COMMD1: variants seen among roughly 807,000 people sequenced by gnomAD.
COMMD1 encodes the protein COMM domain-containing protein 1.
Under a neutral mutation model 17.2 loss-of-function variants are expected in COMMD1, and 10 were observed. That is an observed-to-expected ratio of 0.58 (90% CI 0.36 to 0.99). COMMD1 has a LOEUF of 0.99. Among genes scored for constraint, COMMD1 ranks in the 50% least tolerant of loss-of-function variants. COMMD1 has a pLI of 0.01. For synonymous variants in COMMD1, 97 were observed against 91.6 expected (o/e 1.06, Z -0.34); for missense variants, 270 against 231.8 (o/e 1.17, Z -1.07).
intron 2 of COMMD1, among the ~76,000 whole-genome samples, chr2:62,057,732 G>C (rs773935830): frequency 1.1e-4 from 16 of 151,558 alleles, no homozygotes; most frequent in Non-Finnish European, 1.8e-4. Context: ...ACCATACCTG[G>C]CTAATTTTTT....
chr2:61,908,877 A>G (rs528219814), intron 1 of COMMD1, among the ~76,000 whole-genome samples: 2 of 151,934 alleles, frequency 1.3e-5, no homozygotes, highest in East Asian at 3.9e-4. Flanking sequence ...AAATTTCTCT[A>G]ATTCTTATGG....
At chr2:62,042,628 G>A (rs772029908) in intron 2 of COMMD1, among the ~76,000 whole-genome samples, 2 of 152,154 alleles carry the variant, frequency 1.3e-5, no homozygotes, top group African/African-American at 2.4e-5. Context: ...CCGCGAGCAG[G>A]GGGAGCCGGC....
intron 1 of COMMD1, among the ~76,000 whole-genome samples, chr2:61,899,170 G>T (rs1044034469): frequency 6.6e-6 from 1 of 152,064 alleles, no homozygotes; most frequent in Non-Finnish European, 1.5e-5. Flanking sequence ...AAAAAAAATA[G>T]GTGCAAGAAG....
chr2:61,986,582 T>G (rs1239569722), intron 1 of COMMD1, among the ~76,000 whole-genome samples: 2 of 147,570 alleles, frequency 1.4e-5, no homozygotes, highest in African/African-American at 5.0e-5. Flanking sequence ...TTTTTTTTTT[T>G]TTTGGAGTCA....
chr2:61,900,871 G>A (rs1223848676), upstream of COMMD1, among the ~76,000 whole-genome samples: 2 of 152,158 alleles, frequency 1.3e-5, no homozygotes, highest in Non-Finnish European at 2.9e-5. Flanking sequence ...GATTCTGAAA[G>A]CATCTAGTAA....
chr2:62,051,815 G>A (rs950247162), intron 2 of COMMD1, among the ~76,000 whole-genome samples: 1 of 152,214 alleles, frequency 6.6e-6, no homozygotes, highest in Non-Finnish European at 1.5e-5. Context: ...GGTTTAGTAA[G>A]CTCATGTATT....
At chr2:61,928,874 G>T (rs117685477) in intron 1 of COMMD1, among the ~76,000 whole-genome samples, 9 of 152,130 alleles carry the variant, frequency 5.9e-5, no homozygotes, top group African/African-American at 2.2e-4. Flanking sequence ...CTTAAAAAAA[G>T]GATACTAGAG....
At chr2:62,131,375 G>A (rs1198862559) in intron 2 of COMMD1, among the ~76,000 whole-genome samples, 1 of 152,148 alleles carries the variant, frequency 6.6e-6, no homozygotes, top group East Asian at 1.9e-4. Flanking sequence ...AGGAATTTTA[G>A]TCTTGTCATC....
At chr2:61,938,849 A>G (rs772397176) in intron 1 of COMMD1, among the ~76,000 whole-genome samples, 1 of 152,218 alleles carries the variant, frequency 6.6e-6, no homozygotes, top group Admixed American at 6.5e-5. Flanking sequence ...TATTTTGACA[A>G]TCAAAAGAGT....
chr2:61,972,943 T>A (rs757373654), intron 1 of COMMD1, among the ~76,000 whole-genome samples: 12 of 152,158 alleles, frequency 7.9e-5, no homozygotes, highest in Non-Finnish European at 1.6e-4. Context: ...AGTGTTGGGA[T>A]TACAGGTGTG....
intron 2 of COMMD1, among the ~76,000 whole-genome samples, chr2:62,103,588 T>C (rs1164911668): frequency 2.6e-5 from 4 of 152,256 alleles, no homozygotes; most frequent in Non-Finnish European, 5.9e-5. Flanking sequence ...TGTAGTCATC[T>C]TTGCTTTCAA....
intron 1 of COMMD1, among the ~76,000 whole-genome samples, chr2:61,907,639 T>C (rs932594121): frequency 1.3e-5 from 2 of 152,062 alleles, no homozygotes; most frequent in African/African-American, 4.8e-5. Context: ...TTTGTTTTGT[T>C]AGGAGATAAA....
At chr2:62,069,214 C>G (rs551718288) in intron 2 of COMMD1, among the ~76,000 whole-genome samples, 29 of 151,858 alleles carry the variant, frequency 1.9e-4, no homozygotes, top group African/African-American at 6.3e-4. Flanking sequence ...CCAGGCTGGT[C>G]TCAAACTCCT....
At chr2:62,057,809 C>T (rs1230815770) in intron 2 of COMMD1, among the ~76,000 whole-genome samples, 1 of 151,896 alleles carries the variant, frequency 6.6e-6, no homozygotes, top group East Asian at 1.9e-4. Context: ...TGGGCTCAGG[C>T]GATCCTCCCA....
intron 2 of COMMD1, among the ~76,000 whole-genome samples, chr2:62,063,824 T>C (rs1048842960): frequency 3.5e-5 from 5 of 141,806 alleles, no homozygotes; most frequent in Non-Finnish European, 7.6e-5. Context: ...TTTAAAGTAA[T>C]ATATTCTTCC....
At chr2:61,983,306 C>G (rs1573030541) in intron 1 of COMMD1, among the ~76,000 whole-genome samples, 1 of 151,774 alleles carries the variant, frequency 6.6e-6, no homozygotes. Context: ...TCTCCTGCCT[C>G]AGCCTCCTGA....
chr2:61,960,990 T>C (rs1671326881), intron 1 of COMMD1, among the ~76,000 whole-genome samples: 1 of 152,120 alleles, frequency 6.6e-6, no homozygotes. Flanking sequence ...GTGTCCTGGC[T>C]CTCTTCTCCC....
At chr2:61,938,010 C>G (rs1374331616) in intron 1 of COMMD1, among the ~76,000 whole-genome samples, 1 of 152,088 alleles carries the variant, frequency 6.6e-6, no homozygotes, top group Non-Finnish European at 1.5e-5. Context: ...GTCTTAGTAG[C>G]AAGGCATTTG....
intron 2 of COMMD1, among the ~76,000 whole-genome samples, chr2:62,122,444 CTT>C (rs372131423): frequency 1.3e-4 from 16 of 126,852 alleles, no homozygotes; most frequent in Admixed American, 6.3e-4. Context: ...TCTTTCTTTT[CTT>C]TTTTTTTTTT....
Sources: allele counts gnomAD v4.1 joint callset (sites outside exome capture counted in the v4.1 genomes callset), GRCh38; gene constraint gnomAD v4.1.1; transcripts MANE v1.5; gene names NCBI Gene and HGNC (gene_info 2026-07-23, HGNC 2026-07-21).